Variants in RGS5 observed in about 807,000 individuals in gnomAD.
RGS5 encodes regulator of G-protein signalling 5.
A neutral mutation model predicts 18.9 loss-of-function variants in RGS5; 20 were observed. The observed-to-expected ratio is 1.06, with a 90% CI of 0.74 to 1.54. RGS5 has a LOEUF of 1.54. Ranked by LOEUF, RGS5 falls within the 40% of genes most tolerant of loss-of-function variation. RGS5 has a pLI of 0.00. For synonymous variants in RGS5, 57 were observed against 76.2 expected (o/e 0.75, Z 1.31); for missense variants, 201 against 211.8 (o/e 0.95, Z 0.32).
intron 3 of RGS5, among the ~76,000 whole-genome samples, chr1:163,157,779 G>A (rs549095373): frequency 1.8e-4 from 28 of 152,158 alleles, no homozygotes; most frequent in Non-Finnish European, 3.5e-4. Flanking sequence ...CCAGGCTAGA[G>A]AGCAGTGGTA....
At chr1:163,147,636 C>A (rs1306893907) in intron 4 of RGS5, 133 bp from the exon 5 acceptor site, 1 of 813,694 alleles carries the variant, frequency 1.2e-6, no homozygotes, top group African/African-American at 1.8e-5. Context: ...AGACATGTCA[C>A]TTCTCACTTT....
At chr1:163,211,533 A>G (rs1660102111) in intron 1 of RGS5, 2 of 152,194 alleles carry the variant, frequency 1.3e-5, no homozygotes, top group Admixed American at 6.5e-5. Flanking sequence ...TTCATGAAAG[A>G]ATCGTGACTG....
At chr1:163,171,776 G>C (rs185394606) in intron 1 of RGS5, among the ~76,000 whole-genome samples, 1 of 152,198 alleles carries the variant, frequency 6.6e-6, no homozygotes, top group African/African-American at 2.4e-5. Flanking sequence ...CATGTTTACT[G>C]TGTCAGGCAG....
At chr1:163,230,670 A>C (rs182491572) in intron 2 of RGS5, among the ~76,000 whole-genome samples, 51 of 152,328 alleles carry the variant, frequency 3.3e-4, no homozygotes, top group Non-Finnish European at 5.1e-4. Flanking sequence ...CTGCCACTAA[A>C]TTACTTTTAC....
At chr1:163,151,733 G>C (rs943782062) in intron 4 of RGS5, among the ~76,000 whole-genome samples, 3 of 152,316 alleles carry the variant, frequency 2.0e-5, no homozygotes, top group East Asian at 3.9e-4. Context: ...ATGCGGAACT[G>C]TGAGTCAATT....
chr1:163,178,206 G>A (rs1395985449), intron 1 of RGS5, among the ~76,000 whole-genome samples: 1 of 152,172 alleles, frequency 6.6e-6, no homozygotes, highest in African/African-American at 2.4e-5. Flanking sequence ...AGCTACTAGG[G>A]AAGCTGAGGC....
chr1:163,163,853 C>A (rs1657916314), intron 2 of RGS5, among the ~76,000 whole-genome samples: 1 of 152,166 alleles, frequency 6.6e-6, no homozygotes, highest in Admixed American at 6.5e-5. Context: ...TATAAATATT[C>A]TCATTAAATG....
At chr1:163,153,324 C>G (rs183177659) in intron 3 of RGS5, among the ~76,000 whole-genome samples, 11 of 152,116 alleles carry the variant, frequency 7.2e-5, no homozygotes, top group Admixed American at 5.2e-4. Context: ...AATGAAGAAA[C>G]AGAAGAAACA....
intron 2 of RGS5, among the ~76,000 whole-genome samples, chr1:163,254,115 G>A (rs1648200036): frequency 6.6e-6 from 1 of 150,916 alleles, no homozygotes; most frequent in South Asian, 2.1e-4. Context: ...AAACATATGT[G>A]TGCATGTGTC....
chr1:163,266,284 A>G (rs1336948542), intron 2 of RGS5, among the ~76,000 whole-genome samples: 4 of 152,070 alleles, frequency 2.6e-5, no homozygotes, highest in Non-Finnish European at 5.9e-5. Flanking sequence ...TCTCTGTTTA[A>G]TATGTCTCAT....
At chr1:163,229,742 G>T (rs1004410299) in intron 2 of RGS5, among the ~76,000 whole-genome samples, 1 of 152,150 alleles carries the variant, frequency 6.6e-6, no homozygotes, top group Non-Finnish European at 1.5e-5. Flanking sequence ...TGGCTTTTCA[G>T]TGAGACTTTT....
At chr1:163,197,513 C>T (rs1191703999) in intron 1 of RGS5, among the ~76,000 whole-genome samples, 1 of 152,092 alleles carries the variant, frequency 6.6e-6, no homozygotes, top group Non-Finnish European at 1.5e-5. Context: ...TATTTATCTC[C>T]CTAACTGGGC....
At chr1:163,298,904 A>C (rs2101730571) in intron 2 of RGS5, among the ~76,000 whole-genome samples, 1 of 152,298 alleles carries the variant, frequency 6.6e-6, no homozygotes, top group East Asian at 1.9e-4. Flanking sequence ...GGTTAAGTAG[A>C]TAATTACCTT....
chr1:163,198,945 C>T (rs1659674854), intron 1 of RGS5, among the ~76,000 whole-genome samples: 1 of 152,154 alleles, frequency 6.6e-6, no homozygotes, highest in Non-Finnish European at 1.5e-5. Context: ...GCTGGGATTA[C>T]AGGCAGGAGT....
chr1:163,226,702 C>T (rs749490055), intron 2 of RGS5, among the ~76,000 whole-genome samples: 2 of 152,108 alleles, frequency 1.3e-5, no homozygotes, highest in Admixed American at 6.5e-5. Context: ...CTTTTCTAAT[C>T]AAAAATAGAA....
intron 1 of RGS5, among the ~76,000 whole-genome samples, chr1:163,208,451 A>G (rs2101668383): frequency 7.1e-6 from 1 of 140,708 alleles, no homozygotes; most frequent in Admixed American, 7.6e-5. Context: ...CCAGGAGTTC[A>G]AGGCTGCAGT....
chr1:163,182,826 T>A (rs1056984553), intron 1 of RGS5, among the ~76,000 whole-genome samples: 4 of 152,190 alleles, frequency 2.6e-5, no homozygotes, highest in Non-Finnish European at 5.9e-5. Flanking sequence ...AGTGTCTCCA[T>A]GTCCTCCTGC....
At chr1:163,267,525 T>C (rs1433754232) in intron 2 of RGS5, among the ~76,000 whole-genome samples, 1 of 152,174 alleles carries the variant, frequency 6.6e-6, no homozygotes, top group Non-Finnish European at 1.5e-5. Context: ...CATGTCTATA[T>C]GTCATCCAAA....
chr1:163,276,974 A>G (rs1025451322), intron 2 of RGS5, among the ~76,000 whole-genome samples: 9 of 152,176 alleles, frequency 5.9e-5, no homozygotes, highest in African/African-American at 2.2e-4. Context: ...TCCCTTTTGG[A>G]CTTCAGAAAA....
Sources: gnomAD v4.1 joint callset for allele counts (sites outside exome capture counted in the v4.1 genomes callset) on GRCh38, gnomAD v4.1.1 for gene constraint, MANE v1.5 for transcripts, NCBI Gene and HGNC (gene_info 2026-07-23, HGNC 2026-07-21) for gene names.